EFCAB5: variants seen among roughly 807,000 people sequenced by gnomAD.
The protein encoded by EFCAB5 is EF-hand calcium binding domain 5.
A neutral mutation model predicts 167.9 loss-of-function variants in EFCAB5; 131 were observed. The observed-to-expected ratio is 0.78, with a 90% CI of 0.68 to 0.90. The LOEUF is 0.90. Among genes scored for constraint, EFCAB5 ranks in the 40% least tolerant of loss-of-function variants. The pLI is 0.00. For missense variants in EFCAB5, 1,663 were observed against 1,745.2 expected, an observed-to-expected ratio of 0.95 and a Z score of 0.84; for synonymous variants, 574 against 602.8, an observed-to-expected ratio of 0.95 and a Z score of 0.70.
chr17:30,022,757 G>A (rs2069212423), intron 7 of EFCAB5, among the ~76,000 whole-genome samples: 1 of 152,076 alleles, frequency 6.6e-6, no homozygotes, highest in Non-Finnish European at 1.5e-5. Context: ...ATATGTTTTA[G>A]GACTATATCA....
intron 16 of EFCAB5, among the ~76,000 whole-genome samples, chr17:30,080,548 TTG>T (rs1195028272): frequency 9.6e-6 from 1 of 104,242 alleles, no homozygotes; most frequent in African/African-American, 4.0e-5. Context: ...ACATCCAAGC[TTG>T]TTTTTTTTTT....
At chr17:29,949,830 C>G (rs1366622484) in intron 3 of EFCAB5, among the ~76,000 whole-genome samples, 1 of 152,196 alleles carries the variant, frequency 6.6e-6, no homozygotes, top group East Asian at 1.9e-4. Context: ...TCAGTGGGGA[C>G]AATGCAAGCA....
intron 8 of EFCAB5, among the ~76,000 whole-genome samples, chr17:30,039,018 C>T (rs1284755376): frequency 1.3e-5 from 2 of 152,078 alleles, no homozygotes; most frequent in African/African-American, 2.4e-5. Context: ...CAGCCAGCAA[C>T]CTGGGGTAAA....
intron 7 of EFCAB5, among the ~76,000 whole-genome samples, chr17:30,010,744 G>A (rs566023409): frequency 1.2e-3 from 178 of 152,164 alleles, no homozygotes; most frequent in African/African-American, 2.9e-3. Context: ...ATTTTGTCCC[G>A]TTCTGTAGGT....
chr17:30,065,138 G>T (rs1285909963), intron 14 of EFCAB5, among the ~76,000 whole-genome samples: 1 of 152,042 alleles, frequency 6.6e-6, no homozygotes, highest in Non-Finnish European at 1.5e-5. Flanking sequence ...GAAACTCACT[G>T]GTAGAGCAGA....
intron 14 of EFCAB5, among the ~76,000 whole-genome samples, chr17:30,060,443 A>T (rs1224750385): frequency 6.6e-6 from 1 of 152,138 alleles, no homozygotes; most frequent in African/African-American, 2.4e-5. Flanking sequence ...TTCCAGTATG[A>T]TAAATTCCTT....
At chr17:30,001,569 G>A (rs1435024793) in intron 7 of EFCAB5, among the ~76,000 whole-genome samples, 1 of 152,060 alleles carries the variant, frequency 6.6e-6, no homozygotes, top group African/African-American at 2.4e-5. Context: ...CCAGGAGTTT[G>A]GGACCAACCT....
chr17:30,076,025 A>C (rs1208560142), intron 14 of EFCAB5, among the ~76,000 whole-genome samples: 1 of 152,222 alleles, frequency 6.6e-6, no homozygotes, highest in Non-Finnish European at 1.5e-5. Context: ...ACATAAGAGG[A>C]ACTTATTGGT....
At chr17:30,095,592 T>C (rs1030783727) in intron 22 of EFCAB5, among the ~76,000 whole-genome samples, 7 of 152,270 alleles carry the variant, frequency 4.6e-5, no homozygotes, top group Non-Finnish European at 8.8e-5. Flanking sequence ...ATTACAAAAA[T>C]GGAACATGAC....
chr17:30,107,820 TTTTC>T lies in EFCAB5; in HGVS notation c.4322-13_4322-10del. On this transcript the variant is annotated splice_polypyrimidine_tract_variant and intron_variant, in intron 22 of 22. Coordinates refer to ENST00000394835, the MANE Select transcript of EFCAB5 (RefSeq NM_198529.4). ...ACTCTCCACTCTTACTTTTCTTTTTTTTTCCTGATGCAGATCATTCCCGAACTGA... is the reference window on the plus strand; with the variant it reads ...ACTCTCCACTCTTACTTTTCTTTTTTCTGATGCAGATCATTCCCGAACTGA... 4 of 1,507,928 alleles carry T rather than the reference TTTTC, an allele frequency of 2.7e-6. No individual in the cohort carries two copies. The highest frequency in any genetic ancestry group is 1.5e-5 in the African/African-American group (1 of 68,812). The allele number at this position is 1,507,928 out of a possible 1,614,324, so 93.4% of individuals were successfully genotyped here.
chr17:30,099,305 C>T (rs1156349061), intron 22 of EFCAB5, among the ~76,000 whole-genome samples: 2 of 152,060 alleles, frequency 1.3e-5, no homozygotes, highest in African/African-American at 2.4e-5. Context: ...AAAACTTTGC[C>T]AGGTCTGGTG....
At chr17:29,989,113 A>G (rs1250748704) in intron 4 of EFCAB5, among the ~76,000 whole-genome samples, 2 of 152,146 alleles carry the variant, frequency 1.3e-5, no homozygotes, top group South Asian at 2.1e-4. Flanking sequence ...TAATTTTTGA[A>G]AGTCATTTAA....
intron 4 of EFCAB5, among the ~76,000 whole-genome samples, chr17:29,979,950 C>A (rs2068138982): frequency 6.6e-6 from 1 of 152,178 alleles, no homozygotes. Context: ...AGGTGGATCA[C>A]CCGAGGTCAG....
intron 4 of EFCAB5, among the ~76,000 whole-genome samples, chr17:29,981,327 T>G (rs2068170401): frequency 6.6e-6 from 1 of 152,170 alleles, no homozygotes; most frequent in Non-Finnish European, 1.5e-5. Flanking sequence ...GAGGATTTCT[T>G]TCGTTCTTAA....
intron 2 of EFCAB5, among the ~76,000 whole-genome samples, chr17:29,942,902 G>A (rs1209964527): frequency 6.6e-6 from 1 of 152,094 alleles, no homozygotes. Flanking sequence ...TCTGGGCTTG[G>A]TGGTGCATGC....
chr17:30,080,758 C>T lies in EFCAB5; in HGVS notation c.3203C>T (p.Thr1068Ile), dbSNP rs1597781980. ...CTCATACTCTTTTTCCTCAGCTTTACAGTAGTGGATGAAGGGAAGCCAATC... is the reference window on the plus strand; with the variant it reads ...CTCATACTCTTTTTCCTCAGCTTTATAGTAGTGGATGAAGGGAAGCCAATC... ...LYRDMKGISF[T>I]VVDEGKPIHV... The change falls in exon 17 of 23, where the codon ACA (threonine) becomes ATA (isoleucine). Residue 1068 changes from threonine (T) to isoleucine (I), a missense_variant. Physicochemically the swap from Thr to Ile is moderately conservative, Grantham distance 89. Transcript: ENST00000394835. The T allele has an allele frequency of 6.3e-7, 1 of 1,598,640 alleles. No individual in the cohort carries two copies. The highest frequency in any genetic ancestry group is 8.5e-7 in the Non-Finnish European group (1 of 1,171,834).
intron 14 of EFCAB5, chr17:30,072,951 A>G: frequency 2.1e-6 from 1 of 466,098 alleles, no homozygotes; most frequent in South Asian, 4.2e-5. Context: ...TTATATTCCA[A>G]TATTATCACT....
intron 3 of EFCAB5, among the ~76,000 whole-genome samples, chr17:29,954,731 A>C (rs947327161): frequency 1.3e-5 from 2 of 152,140 alleles, no homozygotes; most frequent in Admixed American, 6.5e-5. Flanking sequence ...CAAACCCCAG[A>C]ATGATAGATT....
intron 7 of EFCAB5, among the ~76,000 whole-genome samples, chr17:30,025,512 A>G (rs907755712): frequency 1.3e-5 from 2 of 152,140 alleles, no homozygotes; most frequent in Non-Finnish European, 2.9e-5. Context: ...TAAAAAGTCA[A>G]GAAACAACAG....
Sources: gnomAD v4.1 joint callset for allele counts (sites outside exome capture counted in the v4.1 genomes callset) on GRCh38, gnomAD v4.1.1 for gene constraint, MANE v1.5 for transcripts, NCBI Gene and HGNC (gene_info 2026-07-23, HGNC 2026-07-21) for gene names.